Variants in TLE3 observed in about 807,000 individuals in gnomAD.
TLE3 encodes the protein TLE family member 3, transcriptional corepressor, also known as transducin-like enhancer protein 3.
In TLE3, 14 loss-of-function variants were observed where a neutral mutation model predicts 93.0. The ratio of observed to expected loss-of-function variants is 0.15; its 90% CI spans 0.10 to 0.24. The LOEUF is 0.24. TLE3 is among the 10% of genes least tolerant of loss of function. The pLI is 1.00. For missense variants in TLE3, 693 were observed against 1,046.6 expected, an observed-to-expected ratio of 0.66 and a Z score of 4.66; for synonymous variants, 451 against 425.0, an observed-to-expected ratio of 1.06 and a Z score of -0.75.
rs756560085 is a variant in TLE3, at chr15:70,056,338, C to T, written c.1288G>A (p.Gly430Ser). 6.2e-7 allele frequency: 1 copy of T among 1,613,680 alleles called. No homozygotes were observed. Among genetic ancestry groups the T allele is most frequent in the Non-Finnish European group, 8.5e-7 (1 of 1,179,860 alleles). The change falls in exon 14 of 20, where the codon GGC (glycine) becomes AGC (serine). Residue 430 changes from glycine (G) to serine (S), a missense_variant. By Grantham distance (56) the Gly-to-Ser change is moderately conservative. Coordinates refer to ENST00000451782, the MANE Select transcript of TLE3 (RefSeq NM_001105192.3). ...ATGGAGGCCAGGCTTGAGGGGAGGC[C>T]TGTGGCCCGCATCGGGGGGTGAGGG... ...FDPHPPMRAT[G>S]LPSSLASIPG...
chr15:70,092,430 G>A (rs2058351789), intron 4 of TLE3, among the ~76,000 whole-genome samples: 1 of 152,220 alleles, frequency 6.6e-6, no homozygotes, highest in African/African-American at 2.4e-5. Context: ...GAGGGCAAAG[G>A]TGAGTGGCAA....
intron 6 of TLE3, chr15:70,066,827 G>C: frequency 4.3e-6 from 1 of 234,598 alleles, no homozygotes; most frequent in Non-Finnish European, 9.3e-6. Context: ...GTAACTGGAA[G>C]AGTGGAGGCT....
chr15:70,096,587 C>T, intron 1 of TLE3, 188 bp downstream of exon 1: 1 of 1,525,668 alleles, frequency 6.6e-7, no homozygotes, highest in Non-Finnish European at 8.8e-7. Flanking sequence ...CAGCCCCCCG[C>T]GCCACTCGCG....
At position 70,051,359 on chromosome 15, in the gene TLE3, A is replaced by T. The variant is rs149104994; in HGVS notation, c.2202+32T>A. On this transcript the variant is annotated intron_variant, in intron 19 of 19. Transcript: ENST00000451782. ...TCACCAAGTTTCAACTCTGGGTAGA[A>T]CCCAGAGGAGGACTCAGACGGTGGG... The T allele has an allele frequency of 2.3e-4, 363 of 1,581,582 alleles. 1 individual carries two copies. In the African/African-American group the frequency reaches 4.4e-3, roughly 19 times the overall value.
chr15:70,063,886 C>A (rs1478897106), intron 8 of TLE3, among the ~76,000 whole-genome samples: 3 of 152,112 alleles, frequency 2.0e-5, no homozygotes, highest in Non-Finnish European at 4.4e-5. Flanking sequence ...AAACTGCAGG[C>A]GTTTGAAGGG....
chr15:70,071,969 G>T (rs547616331), intron 6 of TLE3, among the ~76,000 whole-genome samples: 3 of 152,352 alleles, frequency 2.0e-5, no homozygotes, highest in South Asian at 2.1e-4. Flanking sequence ...GGACTCCTTC[G>T]CGGGAGTGCA....
intron 19 of TLE3, chr15:70,050,422 C>G (rs1327039807): frequency 4.2e-6 from 2 of 476,802 alleles, no homozygotes; most frequent in Admixed American, 6.6e-5. Flanking sequence ...GTAGAGCTCC[C>G]CTCCCACCTG....
At chr15:70,092,235 T>C (rs1168109007) in intron 4 of TLE3, among the ~76,000 whole-genome samples, 1 of 152,212 alleles carries the variant, frequency 6.6e-6, no homozygotes, top group Non-Finnish European at 1.5e-5. Context: ...ACAGAACCCT[T>C]GCAAACCTAG....
intron 6 of TLE3, among the ~76,000 whole-genome samples, chr15:70,070,099 A>G (rs994506223): frequency 2.0e-5 from 3 of 152,250 alleles, no homozygotes; most frequent in African/African-American, 7.2e-5. Context: ...AAGGAAGTCA[A>G]TAATTCCCTC....
At chr15:70,053,154 G>A in intron 17 of TLE3, 73 bp downstream of exon 17, 2 of 1,527,796 alleles carry the variant, frequency 1.3e-6, no homozygotes, top group African/African-American at 1.4e-5. Flanking sequence ...CTTTGTCCCT[G>A]ACCCAGCCAC....
intron 6 of TLE3, among the ~76,000 whole-genome samples, chr15:70,069,369 G>C (rs114224116): frequency 0.014 from 2,094 of 152,274 alleles, 54 homozygotes; most frequent in African/African-American, 0.048. Context: ...ACATGAACCA[G>C]TGAACCGACG....
chr15:70,068,403 A>C (rs992422087), intron 6 of TLE3, among the ~76,000 whole-genome samples: 5 of 152,186 alleles, frequency 3.3e-5, no homozygotes, highest in African/African-American at 1.2e-4. Flanking sequence ...CGGACAATAC[A>C]ACTTTATCTG....
intron 16 of TLE3, 138 bp downstream of exon 16, chr15:70,054,300 C>T: frequency 2.4e-6 from 3 of 1,274,452 alleles, no homozygotes; most frequent in Admixed American, 4.8e-5. Flanking sequence ...GTCTTTTCAC[C>T]TGTGCATCCC....
intron 13 of TLE3, 69 bp downstream of exon 13, chr15:70,057,390 C>A: frequency 6.6e-7 from 1 of 1,504,886 alleles, no homozygotes; most frequent in South Asian, 1.3e-5. Context: ...ATGTGGGGAG[C>A]ACCCGTCCAA....
At chr15:70,066,420 G>C (rs1021680563) in intron 6 of TLE3, among the ~76,000 whole-genome samples, 6 of 152,178 alleles carry the variant, frequency 3.9e-5, no homozygotes, top group Non-Finnish European at 8.8e-5. Context: ...TTAATAGACT[G>C]TAATGTAAAG....
Position 70,058,353 on chromosome 15 carries a change from C to A in TLE3, c.919-62G>T. The stretch of plus-strand genomic sequence containing the variant: ...GGCTTCCATTCTCCTAGGAGCCGGG[C>A]ACAACTGGTGCCGGTCCCAACGTGA... On this transcript the variant is annotated intron_variant, in intron 11 of 19. Coordinates refer to ENST00000451782, the MANE Select transcript of TLE3 (RefSeq NM_001105192.3). The surrounding 1 kb of genome is among the most constrained non-coding windows in gnomAD (Gnocchi z 4.1). The A allele has an allele frequency of 6.5e-7, 1 of 1,538,614 alleles. No homozygotes were observed. Among genetic ancestry groups the A allele is most frequent in the South Asian group, 1.3e-5 (1 of 78,676 alleles).
chr15:70,095,954 C>A, intron 2 of TLE3: 1 of 689,888 alleles, frequency 1.4e-6, no homozygotes, highest in Middle Eastern at 4.1e-4. Flanking sequence ...CATTCGGGGA[C>A]CCCACGGGCG....
intron 4 of TLE3, among the ~76,000 whole-genome samples, chr15:70,078,259 T>A (rs2057550158): frequency 6.6e-6 from 1 of 152,100 alleles, no homozygotes; most frequent in Non-Finnish European, 1.5e-5. Flanking sequence ...AGCAAAAAAG[T>A]CCGGGTTGGA....
At chr15:70,052,554 A>C (rs780428165) in intron 17 of TLE3, 30 bp from the exon 18 acceptor site, 4 of 1,604,284 alleles carry the variant, frequency 2.5e-6, no homozygotes, top group Non-Finnish European at 8.5e-7. Context: ...AGATGGACTG[A>C]GCTCAGCATT....
Sources: gnomAD v4.1 joint callset for allele counts (sites outside exome capture counted in the v4.1 genomes callset) on GRCh38, gnomAD v4.1.1 for gene constraint, Gnocchi (gnomAD v3.1) non-coding constraint, MANE v1.5 for transcripts, NCBI Gene and HGNC (gene_info 2026-07-23, HGNC 2026-07-21) for gene names.